The following FCRL4 variants were observed in gnomAD, a reference collection of about 807,000 sequenced individuals.
The protein encoded by FCRL4 is Fc receptor like 4, also known as Fc receptor-like protein 4.
A neutral mutation model predicts 64.1 loss-of-function variants in FCRL4; 43 were observed. That is an observed-to-expected ratio of 0.67 (90% CI 0.53 to 0.87). FCRL4 has a LOEUF of 0.87. Among genes scored for constraint, FCRL4 ranks in the 40% least tolerant of loss-of-function variants. FCRL4 has a pLI of 0.00. For synonymous variants in FCRL4, 253 were observed against 239.8 expected (o/e 1.05, Z -0.51); for missense variants, 656 against 613.5 (o/e 1.07, Z -0.73).
In FCRL4 at chr1:157,593,325, T is replaced by C. The variant is rs192057127; in HGVS notation, c.52+3003A>G. 6.4e-3 allele frequency among the ~76,000 whole-genome samples: 974 copies of C among 152,292 alleles called. 9 individuals are homozygous for C. The highest frequency in any genetic ancestry group is 0.021 in the African/African-American group (868 of 41,556). ...TGAATACAAACATCTAGAGAGATAGTTCCTCCGTCTCTCTCAGTTCCTGTG... is the reference window on the plus strand; with the variant it reads ...TGAATACAAACATCTAGAGAGATAGCTCCTCCGTCTCTCTCAGTTCCTGTG... On this transcript the variant is annotated intron_variant, in intron 2 of 11. Transcript: ENST00000271532.
chr1:157,585,344 CTCTT>C (rs764765610), intron 6 of FCRL4, among the ~76,000 whole-genome samples: 4,599 of 81,122 alleles, frequency 0.057, 96 homozygotes, highest in Non-Finnish European at 0.073. Context: ...CTTTCTCTCT[CTCTT>C]TCTTTCTTTC....
At chr1:157,585,574 G>A (rs1652673123) in intron 6 of FCRL4, among the ~76,000 whole-genome samples, 1 of 151,994 alleles carries the variant, frequency 6.6e-6, no homozygotes, top group Admixed American at 6.6e-5. Context: ...ATGTATATGA[G>A]CTAAACCTGT....
In FCRL4 at chr1:157,588,069, C is replaced by G. The variant is rs140613375; in HGVS notation, c.358G>C (p.Val120Leu). 69 of 1,613,684 alleles carry G rather than the reference C, an allele frequency of 4.3e-5. No homozygotes were observed. The highest frequency in any genetic ancestry group is 5.8e-5 in the Non-Finnish European group (69 of 1,179,898). ...PYSVFEGDTL[V>L]LRCHRRRKEK... Reference sequence around the variant, plus strand: ...TTCCTTCTTCTGTGGCATCTCAGAACCAATGTGTCACCTTCAAACACAGAA... The same window carrying G: ...TTCCTTCTTCTGTGGCATCTCAGAAGCAATGTGTCACCTTCAAACACAGAA... The change falls in exon 4 of 12, where the codon GTT becomes CTT. Residue 120 changes from valine to leucine, a missense_variant. Coordinates refer to ENST00000271532, the MANE Select transcript of FCRL4 (RefSeq NM_031282.3).
chr1:157,589,229 G>A lies in FCRL4; in HGVS notation c.282C>T (p.Asn94=), dbSNP rs1465426063. ...CTGAAGAAAAGAGCAAGCGCACAGG[G>A]TTACTTCGTGGGGAGCCCCGGGCCT... is the stretch of plus-strand genomic sequence containing the variant. ...RCQARGSPRS[N]PVRLLFSSDS... The change falls in exon 3 of 12, where the codon AAC becomes AAT. Residue 94 remains asparagine, a synonymous_variant. Transcript: ENST00000271532. 14 of 1,614,016 alleles carry A rather than the reference G, an allele frequency of 8.7e-6. No individual in the cohort carries two copies. The highest frequency in any genetic ancestry group is 1.3e-5 in the African/African-American group (1 of 74,918).
In FCRL4 at chr1:157,578,519, C is replaced by A. The variant is rs757537177; in HGVS notation, c.1384G>T (p.Val462Leu). Residue 462 changes from valine (V) to leucine (L), a missense_variant, in exon 10 of 12, where the codon GTA (valine) becomes TTA (leucine). Coordinates refer to ENST00000271532, the MANE Select transcript of FCRL4 (RefSeq NM_031282.3). ...TGAGTAGTCTGGATCTCAGAGTATA[C>A]CAAATCTCCCTTTTTGGGGTGTACT... is the stretch of plus-strand genomic sequence containing the variant. Reference protein sequence around the residue: ...VDVHPKKGDLVYSEIQTTQLG... With the variant: ...VDVHPKKGDLLYSEIQTTQLG... The A allele has an allele frequency of 6.2e-7, 1 of 1,614,004 alleles. No individual in the cohort carries two copies. Among genetic ancestry groups the A allele is most frequent in the South Asian group, 1.1e-5 (1 of 91,074 alleles).
chr1:157,578,045 T>TAA, intron 10 of FCRL4, among the ~76,000 whole-genome samples: 2 of 152,278 alleles, frequency 1.3e-5, no homozygotes, highest in Middle Eastern at 6.8e-3. Flanking sequence ...TAGAGGAATA[T>TAA]AATACTGTAA....
At chr1:157,596,430 C>G in intron 1 of FCRL4, 82 bp from the exon 2 acceptor site, 3 of 1,456,174 alleles carry the variant, frequency 2.1e-6, no homozygotes, top group Non-Finnish European at 2.9e-6. Context: ...CACTCATATG[C>G]TACTTCCAAC....
At chr1:157,579,703 C>A (rs9427291) in intron 8 of FCRL4, among the ~76,000 whole-genome samples, 788 of 23,542 alleles carry the variant, frequency 0.033, 19 homozygotes, top group East Asian at 0.11. Context: ...GGTGACAATA[C>A]ATACATACAT....
intron 6 of FCRL4, among the ~76,000 whole-genome samples, chr1:157,584,517 C>CAGAG (rs200271625): frequency 6.6e-6 from 1 of 150,758 alleles, no homozygotes; most frequent in Non-Finnish European, 1.5e-5. Flanking sequence ...CTCTGGACAA[C>CAGAG]AGAGAGAGAC....
Position 157,586,343 on chromosome 1 carries a change from T to C in FCRL4, c.960A>G (p.Thr320=). The C allele has an allele frequency of 6.2e-7, 1 of 1,613,812 alleles. No homozygotes were observed. The highest frequency in any genetic ancestry group is 8.5e-7 in the Non-Finnish European group (1 of 1,180,002). ...CSVAEGTGDT[T]FSWHREDMQE... ...GCATGTCCTCTCGGTGCCAGGAGAA[T>C]GTGGTATCCCCTGTGCCTTCAGCCA... The change falls in exon 6 of 12, where the codon ACA becomes ACG. Residue 320 remains threonine (T), a synonymous_variant. Transcript: ENST00000271532.
chr1:157,586,559 A>G, intron 5 of FCRL4, 104 bp from the exon 6 acceptor site: 1 of 970,498 alleles, frequency 1.0e-6, no homozygotes, highest in East Asian at 2.5e-5. Flanking sequence ...TTCAAGATAT[A>G]CTCTTCAGCA....
intron 7 of FCRL4, 167 bp from the exon 8 acceptor site, chr1:157,580,515 T>TTGTAC: frequency 1.4e-6 from 1 of 690,190 alleles, no homozygotes; most frequent in African/African-American, 1.8e-5. Context: ...GTACAAAGCA[T>TTGTAC]ATAACTTTTT....
rs1443311881 is a variant in FCRL4 at position 157,573,871 on chromosome 1, AATATTAGT to A, written c.*1645_*1652del. On this transcript the variant is annotated 3_prime_UTR_variant, in exon 12 of 12. Coordinates refer to ENST00000271532, the MANE Select transcript of FCRL4 (RefSeq NM_031282.3). ...TATCCAAAACACACAACAATTTCTT[AATATTAGT>A]ATACAAATTTTTCTTAGTATTTCGT... The A allele has an allele frequency of 2.1e-5, 4 of 193,954 alleles. No individual in the cohort carries two copies. Among genetic ancestry groups the A allele is most frequent in the Admixed American group, 6.1e-5 (1 of 16,366 alleles). 12.0% of individuals were successfully genotyped at this position (193,954 alleles called of 1,614,324 possible).
At chr1:157,586,518 G>A (rs1652700676) in intron 5 of FCRL4, 63 bp from the exon 6 acceptor site, 1 of 1,491,872 alleles carries the variant, frequency 6.7e-7, no homozygotes, top group Non-Finnish European at 9.0e-7. Context: ...TAGGTAGCTG[G>A]GGTGTTGGGC....
intron 6 of FCRL4, 133 bp from the exon 7 acceptor site, chr1:157,581,777 T>G: frequency 3.0e-6 from 2 of 669,908 alleles, no homozygotes; most frequent in Non-Finnish European, 5.0e-6. Context: ...AAAGACATCT[T>G]GGGCCAGGTT....
intron 3 of FCRL4, among the ~76,000 whole-genome samples, chr1:157,588,787 G>A (rs1478790117): frequency 6.6e-6 from 1 of 152,154 alleles, no homozygotes; most frequent in Non-Finnish European, 1.5e-5. Flanking sequence ...AATGAGGAAG[G>A]GACGCATAAC....
In FCRL4 at chr1:157,573,753, T is replaced by G. The variant is rs1042102453; in HGVS notation, c.*1771A>C. 1 of 179,550 alleles carries G rather than the reference T, an allele frequency of 5.6e-6. No homozygotes were observed. The highest frequency in any genetic ancestry group is 9.2e-5 in the East Asian group (1 of 10,878). 11.1% of individuals were successfully genotyped at this position (179,550 alleles called of 1,614,324 possible). A position where few individuals can be genotyped will look rare whatever the true frequency, so the allele number is the denominator to read the frequency against. ...TAATTTCATGTACGCCGAATTTACG[T>G]TAATAAGCTTTAATCTAATACTTCA... On this transcript the variant is annotated 3_prime_UTR_variant, in exon 12 of 12. Transcript: ENST00000271532.
chr1:157,585,395 C>CTTTCCTTCT (rs1558155168), intron 6 of FCRL4, among the ~76,000 whole-genome samples: 6 of 80,836 alleles, frequency 7.4e-5, no homozygotes, highest in African/African-American at 2.4e-4. Context: ...TCTTTCTTTC[C>CTTTCCTTCT]TTCTTTCTTT....
At chr1:157,587,131 C>A (rs1652718717) in intron 5 of FCRL4, 145 bp downstream of exon 5, 1 of 852,640 alleles carries the variant, frequency 1.2e-6, no homozygotes, top group Non-Finnish European at 1.8e-6. Flanking sequence ...TCATGTATTT[C>A]TTTTATTATA....
Sources: gnomAD v4.1 joint callset for allele counts (sites outside exome capture counted in the v4.1 genomes callset) on GRCh38, gnomAD v4.1.1 for gene constraint, MANE v1.5 for transcripts, NCBI Gene and HGNC (gene_info 2026-07-23, HGNC 2026-07-21) for gene names.